USP24: variants seen among roughly 807,000 people sequenced by gnomAD.
USP24 encodes ubiquitin carboxyl-terminal hydrolase 24.
In USP24, 97 loss-of-function variants were observed where a neutral mutation model predicts 361.6. That is an observed-to-expected ratio of 0.27 (90% CI 0.23 to 0.32). USP24 has a LOEUF of 0.32. USP24 is among the 10% of genes least tolerant of loss of function. USP24 has a pLI of 1.00. For missense variants in USP24, 2,353 were observed against 3,165.6 expected, an observed-to-expected ratio of 0.74 and a Z score of 6.16; for synonymous variants, 1,098 against 1,124.6, an observed-to-expected ratio of 0.98 and a Z score of 0.47.
Position 55,106,259 on chromosome 1 carries a change from T to C in USP24, c.4767A>G (p.Ser1589=), listed in dbSNP as rs748282107. The change falls in exon 41 of 68, where the codon TCA becomes TCG. Residue 1589 remains serine (S), a synonymous_variant. Coordinates refer to ENST00000294383, the MANE Select transcript of USP24 (RefSeq NM_015306.3). ...LCGAEKEMLG[S]SLIKPLLDDF... ...CATCTAACAATGGTTTAATGAGTGA[T>C]GAACCTGGAATAGAGCATAATATTC... The C allele has an allele frequency of 1.9e-6, 3 of 1,599,520 alleles. No homozygotes were observed. The highest frequency in any genetic ancestry group is 1.3e-5 in the African/African-American group (1 of 74,738).
rs1037133341 is a variant in USP24 at position 55,134,572 on chromosome 1, A to G, written c.3202-159T>C. 3.3e-5 allele frequency among the ~76,000 whole-genome samples: 5 copies of G among 152,326 alleles called. No individual in the cohort carries two copies. The East Asian group carries it at 7.7e-4, about 23-fold the overall frequency. The stretch of plus-strand genomic sequence containing the variant: ...GCTCGTCTGTACTGAAGAACACCAC[A>G]TGGTAACATATTAGACGAGGGATCA... On this transcript the variant is annotated intron_variant, in intron 28 of 67. Coordinates refer to ENST00000294383, the MANE Select transcript of USP24 (RefSeq NM_015306.3).
chr1:55,158,082 C>A (rs1389103731), intron 10 of USP24, among the ~76,000 whole-genome samples: 1 of 152,162 alleles, frequency 6.6e-6, no homozygotes, highest in East Asian at 1.9e-4. Context: ...TTGATCTCTA[C>A]CGTATGAAAA....
chr1:55,097,678 TA>T lies in USP24; in HGVS notation c.5634del (p.Ser1879AlafsTer4). On this transcript the variant is annotated frameshift_variant, in exon 48 of 68. Transcript: ENST00000294383. LOFTEE classifies it high-confidence loss of function. ...TVKRTCIKSL[P>X]SVLVIHLMRF... ...CTCATTAGGTGAATTACCAAGACGCTAGGTAAAGATTTAATACAGGTCCTTT... is the reference window on the plus strand; with the variant it reads ...CTCATTAGGTGAATTACCAAGACGCTGGTAAAGATTTAATACAGGTCCTTT... 1 of 1,585,646 alleles carries T rather than the reference TA, an allele frequency of 6.3e-7. No homozygotes were observed. Among genetic ancestry groups the T allele is most frequent in the Admixed American group, 1.8e-5 (1 of 56,032 alleles).
chr1:55,153,703 C>T (rs1381152019), intron 16 of USP24, among the ~76,000 whole-genome samples, 167 bp downstream of exon 16: 1 of 151,994 alleles, frequency 6.6e-6, no homozygotes, highest in Non-Finnish European at 1.5e-5. Flanking sequence ...ACCTCCCAAG[C>T]TTTAAATAAT....
intron 51 of USP24, 52 bp downstream of exon 51, chr1:55,095,203 C>T: frequency 6.3e-7 from 1 of 1,577,214 alleles, no homozygotes; most frequent in Non-Finnish European, 8.6e-7. Flanking sequence ...TGTCACAGAC[C>T]ACATCATCAC....
chr1:55,127,049 C>T (rs1415861522), intron 32 of USP24, among the ~76,000 whole-genome samples: 2 of 152,168 alleles, frequency 1.3e-5, no homozygotes, highest in African/African-American at 4.8e-5. Flanking sequence ...AACAGAAAAG[C>T]CAACTTCCCC....
At chr1:55,086,167 G>T in intron 55 of USP24, 129 bp from the exon 56 acceptor site, 1 of 771,356 alleles carries the variant, frequency 1.3e-6, no homozygotes, top group Non-Finnish European at 2.1e-6. Context: ...GCGCTTATGG[G>T]CCAAGTGGAG....
chr1:55,087,260 AAAG>A (rs1481114627), intron 55 of USP24, among the ~76,000 whole-genome samples: 1 of 152,236 alleles, frequency 6.6e-6, no homozygotes, highest in African/African-American at 2.4e-5. Flanking sequence ...TGGTCTTTAT[AAAG>A]AAAGAAACAA....
intron 64 of USP24, 137 bp from the exon 65 acceptor site, chr1:55,072,998 G>T: frequency 2.4e-6 from 2 of 819,626 alleles, no homozygotes; most frequent in Non-Finnish European, 3.7e-6. Context: ...GGGGTTCCTA[G>T]AGTAGTCAAA....
chr1:55,101,455 G>T, intron 43 of USP24, 129 bp downstream of exon 43: 1 of 1,248,912 alleles, frequency 8.0e-7, no homozygotes, highest in Non-Finnish European at 1.1e-6. Context: ...CACATTTCAG[G>T]AGCTACTAAA....
chr1:55,107,174 A>G, intron 40 of USP24, 65 bp downstream of exon 40: 2 of 1,515,478 alleles, frequency 1.3e-6, no homozygotes, highest in Non-Finnish European at 8.9e-7. Flanking sequence ...TCCCACTTAC[A>G]CACAGTACTG....
At chr1:55,143,340 T>A (rs1646941584) in intron 21 of USP24, among the ~76,000 whole-genome samples, 1 of 152,194 alleles carries the variant, frequency 6.6e-6, no homozygotes, top group Non-Finnish European at 1.5e-5. Flanking sequence ...GGAACCAGGA[T>A]AGGTACAGAG....
At chr1:55,083,712 A>G (rs1421392188) in intron 57 of USP24, 60 bp downstream of exon 57, 3 of 1,329,680 alleles carry the variant, frequency 2.3e-6, no homozygotes, top group Admixed American at 5.1e-5. Context: ...CCAGTCTAAA[A>G]ATTTTTTAGA....
Position 55,073,893 on chromosome 1 carries a change from G to A in USP24, c.7461C>T (p.His2487=), listed in dbSNP as rs1248367468. 1 of 1,576,562 alleles carries A rather than the reference G, an allele frequency of 6.3e-7. No homozygotes were observed. Among genetic ancestry groups the A allele is most frequent in the Admixed American group, 1.8e-5 (1 of 54,322 alleles). ...TENGLLALMH[H]SNHVDSSRCY... ...AGCGACTACTGTCCACATGATTACT[G>A]TGGTGCATCAAAGCTGAGGGAAGAG... Residue 2487 remains histidine (H), a synonymous_variant, in exon 64 of 68, where the codon CAC becomes CAT. Coordinates refer to ENST00000294383, the MANE Select transcript of USP24 (RefSeq NM_015306.3).
intron 38 of USP24, among the ~76,000 whole-genome samples, chr1:55,117,670 A>G (rs1392454149): frequency 5.1e-5 from 7 of 138,354 alleles, no homozygotes; most frequent in African/African-American, 1.9e-4. Context: ...CGGGAAGCGG[A>G]GCTTGCAGTG....
intron 12 of USP24, among the ~76,000 whole-genome samples, chr1:55,156,274 G>T (rs1165231): frequency 0.74 from 112,735 of 152,022 alleles, 43,061 homozygotes; most frequent in East Asian, 0.96. Context: ...CTGAATTAGA[G>T]ATTTAATTCA....
intron 32 of USP24, among the ~76,000 whole-genome samples, chr1:55,127,989 A>T (rs1489769114): frequency 6.6e-6 from 1 of 152,060 alleles, no homozygotes; most frequent in Non-Finnish European, 1.5e-5. Flanking sequence ...CTCTCATGCC[A>T]TTCTCCACTT....
chr1:55,099,804 A>C lies in USP24; in HGVS notation c.5337T>G (p.Thr1779=). ...REQQDAYEFF[T]SLIDQMDEYL... is the part of the protein sequence containing the mutation. ...ATTCATCCATCTGATCAATGAGACT[A>C]GTAAAGAATTCATATGCATCCTGCT... The change falls in exon 45 of 68, where the codon ACT becomes ACG. Residue 1779 remains threonine, a synonymous_variant. Transcript: ENST00000294383. The C allele has an allele frequency of 6.4e-7, 1 of 1,559,992 alleles. No homozygotes were observed. Among genetic ancestry groups the C allele is most frequent in the African/African-American group, 1.4e-5 (1 of 73,766 alleles).
intron 36 of USP24, 66 bp from the exon 37 acceptor site, chr1:55,121,572 A>G (rs1646282160): frequency 7.3e-7 from 1 of 1,375,534 alleles, no homozygotes; most frequent in Admixed American, 1.9e-5. Context: ...TCAAATTTTG[A>G]TTAATTTCTT....
Sources: gnomAD v4.1 joint callset for allele counts (sites outside exome capture counted in the v4.1 genomes callset) on GRCh38, gnomAD v4.1.1 for gene constraint, MANE v1.5 for transcripts, NCBI Gene and HGNC (gene_info 2026-07-23, HGNC 2026-07-21) for gene names.